Variants in CHD7 observed in about 807,000 individuals in gnomAD.
The protein encoded by CHD7 is chromodomain helicase DNA binding protein 7.
In CHD7, 24 loss-of-function variants were observed where a neutral mutation model predicts 307.3. The observed-to-expected ratio is 0.08, with a 90% confidence interval of 0.06 to 0.11. The LOEUF (loss-of-function observed/expected upper bound fraction) is 0.11. CHD7 is among the 10% of genes least tolerant of loss of function. The pLI is 1.00. For synonymous variants in CHD7, 1,363 were observed against 1,349.9 expected (o/e 1.01, Z -0.21); for missense variants, 3,106 against 3,727.1 (o/e 0.83, Z 4.34).
At position 60,741,659 on chromosome 8, in the gene CHD7, A is replaced by C. The variant is rs868628978; in HGVS notation, c.227A>C (p.Glu76Ala). ...CATTTTGATCACTATAATCAGTATG[A>C]ACAACAAAAGATGCATCTGATGGAT... Reference protein sequence around the residue: ...LTHFDHYNQYEQQKMHLMDQP... With the variant: ...LTHFDHYNQYAQQKMHLMDQP... The change falls in exon 2 of 38, where the codon GAA becomes GCA. Residue 76 changes from glutamate (E) to alanine (A), a missense_variant. By Grantham distance (107) the Glu-to-Ala change is moderately radical. This residue lies in a region of CHD7 where 998 missense variants were observed against 1,004.5 expected (regional missense o/e 0.99). Transcript: ENST00000423902. 1.9e-6 allele frequency: 3 copies of C among 1,613,936 alleles called. No homozygotes were observed. The highest frequency in any genetic ancestry group is 3.3e-4 in the Middle Eastern group (2 of 6,062).
Position 60,856,545 on chromosome 8 carries a change from A to C in CHD7, c.7265A>C (p.Glu2422Ala). Residue 2422 changes from glutamate (E) to alanine (A), a missense_variant, in exon 34 of 38, where the codon GAG becomes GCG. Glu to Ala is a moderately radical substitution (Grantham distance 107). Coordinates refer to ENST00000423902, the MANE Select transcript of CHD7 (RefSeq NM_017780.4). ...GCTGCCAAGAGGCGAAATCTCATGG[A>C]GATGGTTGCCCAGCTTCGAGAGTCT... is the stretch of plus-strand genomic sequence containing the variant. ...ERAAKRRNLMEMVAQLRESQV... is the reference protein window; with the variant it reads ...ERAAKRRNLMAMVAQLRESQV... 6.2e-7 allele frequency: 1 copy of C among 1,614,034 alleles called. No individual in the cohort carries two copies. Among genetic ancestry groups the C allele is most frequent in the Non-Finnish European group, 8.5e-7 (1 of 1,179,892 alleles).
chr8:60,826,117 C>T (rs1175772102), intron 13 of CHD7, among the ~76,000 whole-genome samples: 3 of 152,116 alleles, frequency 2.0e-5, no homozygotes, highest in Non-Finnish European at 4.4e-5. Context: ...AGCTTTTTCA[C>T]ATAATGGCAC....
chr8:60,866,050 CAAA>C lies in CHD7; in HGVS notation c.*125_*127del, dbSNP rs11322994. ...TAAGCTGTTCTGTAACATAGTGTAG[CAAA>C]AAAAAAAGTTCAAGTCATGTTATAC... is the stretch of plus-strand genomic sequence containing the variant. On this transcript the variant is annotated 3_prime_UTR_variant, in exon 38 of 38. Coordinates refer to ENST00000423902, the MANE Select transcript of CHD7 (RefSeq NM_017780.4). 1 of 823,040 alleles carries C rather than the reference CAAA, an allele frequency of 1.2e-6. No individual in the cohort carries two copies. Among genetic ancestry groups the C allele is most frequent in the Non-Finnish European group, 1.8e-6 (1 of 558,362 alleles). The allele number at this position is 823,040 out of a possible 1,614,324, so 51.0% of individuals were successfully genotyped here.
chr8:60,738,230 G>A (rs1808803951), intron 1 of CHD7, among the ~76,000 whole-genome samples: 1 of 152,128 alleles, frequency 6.6e-6, no homozygotes, highest in Non-Finnish European at 1.5e-5. Flanking sequence ...TACATACTGG[G>A]TTTCAAAGAC....
chr8:60,855,953 G>A, intron 32 of CHD7, 22 bp from the exon 33 acceptor site: 1 of 1,519,754 alleles, frequency 6.6e-7, no homozygotes, highest in Non-Finnish European at 9.0e-7. Flanking sequence ...AAAATTTCTT[G>A]TGACTTTTCT....
At chr8:60,679,269 CGCGTAGTGTCGCCG>C (rs1227576234) in intron 1 of CHD7, among the ~76,000 whole-genome samples, 187 bp downstream of exon 1, 1 of 147,470 alleles carries the variant, frequency 6.8e-6, no homozygotes, top group Admixed American at 6.7e-5. Flanking sequence ...CAGCGCCGCC[CGCGTAGTGTCGCCG>C]GCGTCGCCGC....
At chr8:60,847,715 T>C (rs1222291027) in intron 23 of CHD7, among the ~76,000 whole-genome samples, 8 of 152,218 alleles carry the variant, frequency 5.3e-5, no homozygotes, top group Admixed American at 5.2e-4. Flanking sequence ...GTTTTCGCCA[T>C]TGAGAAACTC....
chr8:60,745,013 G>T (rs964458545), intron 2 of CHD7, among the ~76,000 whole-genome samples: 1 of 149,852 alleles, frequency 6.7e-6, no homozygotes, highest in Non-Finnish European at 1.5e-5. Flanking sequence ...GCCCTCAGCC[G>T]GTGGGCAGGG....
chr8:60,717,953 T>C (rs983233956), intron 1 of CHD7, among the ~76,000 whole-genome samples: 3 of 118,500 alleles, frequency 2.5e-5, no homozygotes, highest in Non-Finnish European at 4.1e-5. Context: ...GTATACCCCT[T>C]CTACCATTTT....
chr8:60,815,729 A>T (rs891825236), intron 7 of CHD7, among the ~76,000 whole-genome samples: 1 of 152,140 alleles, frequency 6.6e-6, no homozygotes, highest in African/African-American at 2.4e-5. Flanking sequence ...TCCTGGAGGA[A>T]CACAGTCTGG....
intron 1 of CHD7, among the ~76,000 whole-genome samples, chr8:60,722,531 A>G (rs983735681): frequency 6.6e-6 from 1 of 152,224 alleles, no homozygotes; most frequent in Non-Finnish European, 1.5e-5. Flanking sequence ...GCTTTGGTTT[A>G]TGTTGGTTAG....
intron 9 of CHD7, among the ~76,000 whole-genome samples, chr8:60,821,535 T>C (rs1804031562): frequency 6.6e-6 from 1 of 151,090 alleles, no homozygotes; most frequent in Admixed American, 6.6e-5. Flanking sequence ...TACATGTATA[T>C]GTATATATGT....
intron 2 of CHD7, among the ~76,000 whole-genome samples, chr8:60,750,534 A>T (rs1438936295): frequency 6.6e-6 from 1 of 152,188 alleles, no homozygotes; most frequent in Non-Finnish European, 1.5e-5. Context: ...GTTGATACAG[A>T]TTTTCTGGTA....
chr8:60,714,913 G>A (rs918642115), intron 1 of CHD7, among the ~76,000 whole-genome samples: 1 of 152,246 alleles, frequency 6.6e-6, no homozygotes, highest in Non-Finnish European at 1.5e-5. Context: ...CTGAATGAAT[G>A]AATGAATGCG....
intron 6 of CHD7, among the ~76,000 whole-genome samples, chr8:60,802,396 C>T (rs912551295): frequency 6.6e-6 from 1 of 152,176 alleles, no homozygotes. Flanking sequence ...TTTCGTGTCT[C>T]TAGGAAGTAG....
intron 1 of CHD7, among the ~76,000 whole-genome samples, chr8:60,682,848 A>G (rs1416510497): frequency 6.6e-6 from 1 of 152,240 alleles, no homozygotes; most frequent in Non-Finnish European, 1.5e-5. Context: ...AAGAATAAAA[A>G]TGTTTAGTCA....
chr8:60,703,056 G>A (rs545724620), intron 1 of CHD7, among the ~76,000 whole-genome samples: 2 of 152,356 alleles, frequency 1.3e-5, no homozygotes, highest in South Asian at 4.1e-4. Flanking sequence ...GCCAGGCAGT[G>A]TAGAAGGGAA....
At chr8:60,814,401 A>AGG (rs1172001498) in intron 7 of CHD7, among the ~76,000 whole-genome samples, 20 of 152,322 alleles carry the variant, frequency 1.3e-4, no homozygotes, top group South Asian at 4.1e-4. Flanking sequence ...CTGTCAAATA[A>AGG]TTTGGAGACT....
chr8:60,748,716 C>T (rs1809455759), intron 2 of CHD7, among the ~76,000 whole-genome samples: 1 of 152,120 alleles, frequency 6.6e-6, no homozygotes. Context: ...AGACGTGTCC[C>T]AGATCATGGA....
Sources: gnomAD v4.1 joint callset for allele counts (sites outside exome capture counted in the v4.1 genomes callset) on GRCh38, gnomAD v4.1.1 for gene constraint, gnomAD v4.1.1 regional missense constraint, MANE v1.5 for transcripts, NCBI Gene and HGNC (gene_info 2026-07-23, HGNC 2026-07-21) for gene names.